MERTK: variants seen among roughly 807,000 people sequenced by gnomAD.
MERTK encodes the protein MER proto-oncogene, tyrosine kinase.
A neutral mutation model predicts 99.3 loss-of-function variants in MERTK; 69 were observed. The ratio of observed to expected loss-of-function variants is 0.70; its 90% CI spans 0.57 to 0.85. The LOEUF (loss-of-function observed/expected upper bound fraction) is 0.85. MERTK is among the 40% of genes least tolerant of loss of function. The pLI is 0.00. For missense variants in MERTK, 1,125 were observed against 1,249.4 expected, an observed-to-expected ratio of 0.90 and a Z score of 1.50; for synonymous variants, 426 against 467.6, an observed-to-expected ratio of 0.91 and a Z score of 1.15.
At chr2:111,954,259 C>T (rs1439551143) in intron 4 of MERTK, among the ~76,000 whole-genome samples, 1 of 152,182 alleles carries the variant, frequency 6.6e-6, no homozygotes, top group African/African-American at 2.4e-5. Context: ...GGCCCATGAG[C>T]GACTGTGCCT....
chr2:111,955,515 C>T lies in MERTK; in HGVS notation c.757+7948C>T, dbSNP rs76778561. 3.6e-3 allele frequency among the ~76,000 whole-genome samples: 542 copies of T among 152,232 alleles called. 6 individuals carry two copies. The highest frequency in any genetic ancestry group is 0.012 in the African/African-American group (491 of 41,522). On this transcript the variant is annotated intron_variant, in intron 4 of 18. Coordinates refer to ENST00000295408, the MANE Select transcript of MERTK (RefSeq NM_006343.3). ...ACAGTTCTGTAGCCACAAATCTGTACCTGTCATAAAATTGCATAAACCTAT... is the reference window on the plus strand; with the variant it reads ...ACAGTTCTGTAGCCACAAATCTGTATCTGTCATAAAATTGCATAAACCTAT...
At chr2:111,982,247 G>A (rs1676387889) in intron 7 of MERTK, among the ~76,000 whole-genome samples, 1 of 151,976 alleles carries the variant, frequency 6.6e-6, no homozygotes, top group South Asian at 2.1e-4. Flanking sequence ...GTGGTGATTG[G>A]AGTCTCACTA....
intron 1 of MERTK, among the ~76,000 whole-genome samples, chr2:111,921,193 G>A (rs968603691): frequency 6.6e-6 from 1 of 152,126 alleles, no homozygotes; most frequent in Non-Finnish European, 1.5e-5. Flanking sequence ...CTCCTAGAGA[G>A]GGTAGGGAAA....
At chr2:111,943,954 G>T (rs1684910090) in intron 2 of MERTK, among the ~76,000 whole-genome samples, 3 of 152,080 alleles carry the variant, frequency 2.0e-5, no homozygotes, top group Admixed American at 2.0e-4. Context: ...AATGCCTTGA[G>T]GGGGCAGTAC....
At chr2:112,025,007 G>A (rs993957841) in intron 18 of MERTK, 8 of 154,428 alleles carry the variant, frequency 5.2e-5, no homozygotes, top group African/African-American at 1.9e-4. Flanking sequence ...TAGTAAACGT[G>A]AGGGAAAGGT....
chr2:112,028,568 A>C lies in MERTK; in HGVS notation c.2704A>C (p.Ile902Leu). The C allele has an allele frequency of 6.2e-7, 1 of 1,614,160 alleles. No homozygotes were observed. The highest frequency in any genetic ancestry group is 8.5e-7 in the Non-Finnish European group (1 of 1,180,026). Residue 902 changes from isoleucine to leucine, a missense_variant, in exon 19 of 19, where the codon ATA becomes CTA. By Grantham distance (5) the Ile-to-Leu change is conservative. Coordinates refer to ENST00000295408, the MANE Select transcript of MERTK (RefSeq NM_006343.3). Reference sequence around the variant, plus strand: ...GGACTTGAACATCGACCCTGACTCTATAATTGCCTCCTGCACTCCCCGCGC... The same window carrying C: ...GGACTTGAACATCGACCCTGACTCTCTAATTGCCTCCTGCACTCCCCGCGC... ...PLDLNIDPDSIIASCTPRAAI... is the reference protein window; with the variant it reads ...PLDLNIDPDSLIASCTPRAAI...
chr2:112,001,606 G>C (rs548558857), intron 11 of MERTK, among the ~76,000 whole-genome samples: 1 of 152,138 alleles, frequency 6.6e-6, no homozygotes, highest in Non-Finnish European at 1.5e-5. Flanking sequence ...TCTAACTAGT[G>C]AACATAATCT....
chr2:111,962,593 CT>C lies in MERTK; in HGVS notation c.758-2595del, dbSNP rs376780107. ...TGATTTCCCATAAACCCCACCCCCA[CT>C]TTCCCCTATCGTTAGCATTTTACAT... On this transcript the variant is annotated intron_variant, in intron 4 of 18. Coordinates refer to ENST00000295408, the MANE Select transcript of MERTK (RefSeq NM_006343.3). 6.4e-3 allele frequency among the ~76,000 whole-genome samples: 982 copies of C among 152,352 alleles called. 13 individuals carry two copies. Among genetic ancestry groups the C allele is most frequent in the African/African-American group, 0.023 (946 of 41,580 alleles).
At chr2:111,936,452 T>C (rs1380569554) in intron 2 of MERTK, among the ~76,000 whole-genome samples, 1 of 152,188 alleles carries the variant, frequency 6.6e-6, no homozygotes, top group Non-Finnish European at 1.5e-5. Flanking sequence ...TTTAAAATGC[T>C]GAGTTTGGGG....
At chr2:111,951,901 T>C (rs180873368) in intron 4 of MERTK, among the ~76,000 whole-genome samples, 1 of 152,158 alleles carries the variant, frequency 6.6e-6, no homozygotes, top group African/African-American at 2.4e-5. Flanking sequence ...AGAAAATAGA[T>C]TTTTGTATGT....
chr2:111,964,412 CGCATGTGTGTGTGTGTACGT>C (rs1685321968), intron 4 of MERTK, among the ~76,000 whole-genome samples: 3 of 151,022 alleles, frequency 2.0e-5, no homozygotes, highest in Non-Finnish European at 4.4e-5. Context: ...CGCGCGCACG[CGCATGTGTGTGTGTGTACGT>C]TGTGTGTTGT....
At chr2:112,009,806 A>G in intron 14 of MERTK, 142 bp from the exon 15 acceptor site, 1 of 733,464 alleles carries the variant, frequency 1.4e-6, no homozygotes, top group Non-Finnish European at 2.5e-6. Context: ...TTTCTAGAAC[A>G]GAGTGTGAGT....
At chr2:111,910,610 G>GTGTGTGTGTGTGTGTGTGTATATA (rs370882764) in intron 1 of MERTK, among the ~76,000 whole-genome samples, 11 of 143,588 alleles carry the variant, frequency 7.7e-5, no homozygotes, top group African/African-American at 2.3e-4. Context: ...GTGTGTGTGT[G>GTGTGTGTGTGTGTGTGTGTATATA]TATATATATA....
intron 8 of MERTK, among the ~76,000 whole-genome samples, chr2:111,989,374 T>TC (rs1676561604): frequency 6.6e-6 from 1 of 151,574 alleles, no homozygotes; most frequent in South Asian, 2.1e-4. Context: ...TTTTTTTTTT[T>TC]CAGACAGAGT....
At chr2:111,986,834 A>T (rs1409256219) in intron 8 of MERTK, among the ~76,000 whole-genome samples, 1 of 152,196 alleles carries the variant, frequency 6.6e-6, no homozygotes, top group African/African-American at 2.4e-5. Flanking sequence ...TGTGACCACA[A>T]AGACACAGTG....
chr2:111,967,802 C>T (rs904884293), intron 5 of MERTK, among the ~76,000 whole-genome samples: 11 of 152,194 alleles, frequency 7.2e-5, no homozygotes, highest in Admixed American at 5.2e-4. Context: ...AGTGCCCAGC[C>T]AGGTGCACAC....
At chr2:111,910,605 T>TGTGTGTGTGTGC (rs1458234354) in intron 1 of MERTK, among the ~76,000 whole-genome samples, 1 of 134,070 alleles carries the variant, frequency 7.5e-6, no homozygotes, top group Non-Finnish European at 1.7e-5. Flanking sequence ...TGTGTGTGTG[T>TGTGTGTGTGTGC]GTGTGTATAT....
In MERTK at chr2:111,965,500, CA is replaced by C. The variant is rs556213441; in HGVS notation, c.844+225del. On this transcript the variant is annotated intron_variant, in intron 5 of 18. Coordinates refer to ENST00000295408, the MANE Select transcript of MERTK (RefSeq NM_006343.3). ...ATTGTTGAGGCTTATTGATTTAATA[CA>C]AGTAAATTACTCAGAAGTGCCTGGC... Among the ~76,000 whole-genome samples the C allele has an allele frequency of 1.8e-4, 28 of 152,328 alleles. 1 individual carries two copies. In the South Asian group the frequency reaches 5.2e-3, roughly 28 times the overall value.
chr2:111,939,369 C>T (rs1684820343), intron 2 of MERTK, among the ~76,000 whole-genome samples: 1 of 151,980 alleles, frequency 6.6e-6, no homozygotes, highest in African/African-American at 2.4e-5. Flanking sequence ...CCTCATGACC[C>T]AATCACCTCT....
Sources: allele counts gnomAD v4.1 joint callset (sites outside exome capture counted in the v4.1 genomes callset), GRCh38; gene constraint gnomAD v4.1.1; transcripts MANE v1.5; gene names NCBI Gene and HGNC (gene_info 2026-07-23, HGNC 2026-07-21).